Variants in EPS15L1 observed in about 807,000 individuals in gnomAD.
The protein encoded by EPS15L1 is epidermal growth factor receptor substrate 15-like 1.
A neutral mutation model predicts 117.1 loss-of-function variants in EPS15L1; 43 were observed. That is an observed-to-expected ratio of 0.37 (90% CI 0.29 to 0.47). The LOEUF (loss-of-function observed/expected upper bound fraction) is 0.47, where lower values mean the gene tolerates loss of function less well. Among genes scored for constraint, EPS15L1 ranks in the 20% least tolerant of loss-of-function variants. EPS15L1 has a pLI of 0.99. For missense variants in EPS15L1, 981 were observed against 1,164.0 expected (o/e 0.84, Z 2.29); for synonymous variants, 459 against 470.5 (o/e 0.98, Z 0.32).
chr19:16,466,454 G>T (rs1020254984), intron 1 of EPS15L1, among the ~76,000 whole-genome samples: 1 of 152,038 alleles, frequency 6.6e-6, no homozygotes, highest in Admixed American at 6.6e-5. Context: ...TACACATTGG[G>T]CTCATTTCTT....
chr19:16,402,545 G>T (rs572182050), intron 15 of EPS15L1, 60 bp from the exon 16 acceptor site: 2 of 1,470,442 alleles, frequency 1.4e-6, no homozygotes, highest in Admixed American at 2.2e-5. Context: ...CAGAAAAGAC[G>T]CTTTTTTTTT....
chr19:16,367,943 T>G (rs2092161471), intron 22 of EPS15L1, among the ~76,000 whole-genome samples: 1 of 151,520 alleles, frequency 6.6e-6, no homozygotes, highest in Admixed American at 6.6e-5. Context: ...ATCCGATTAA[T>G]AAAAATATTA....
chr19:16,445,788 G>A (rs2093077326), intron 1 of EPS15L1, among the ~76,000 whole-genome samples: 1 of 152,182 alleles, frequency 6.6e-6, no homozygotes, highest in South Asian at 2.1e-4. Flanking sequence ...AGCAGAGAGG[G>A]GACGCACCAG....
chr19:16,430,294 A>C (rs2092914780), intron 7 of EPS15L1, among the ~76,000 whole-genome samples: 1 of 152,146 alleles, frequency 6.6e-6, no homozygotes, highest in Non-Finnish European at 1.5e-5. Flanking sequence ...GGGGGTGTCT[A>C]ATGGACAGGG....
At chr19:16,407,564 G>T (rs1002249369) in intron 13 of EPS15L1, among the ~76,000 whole-genome samples, 5 of 152,144 alleles carry the variant, frequency 3.3e-5, no homozygotes, top group Admixed American at 1.3e-4. Context: ...GGCCTCAAGT[G>T]ATCCGCCAGA....
At chr19:16,389,141 T>TG (rs2144758551) in intron 19 of EPS15L1, among the ~76,000 whole-genome samples, 1 of 149,338 alleles carries the variant, frequency 6.7e-6, no homozygotes, top group South Asian at 2.1e-4. Context: ...AGGCGGAGGT[T>TG]GGAAAAAAAA....
At chr19:16,396,561 G>A (rs1439062770) in intron 16 of EPS15L1, among the ~76,000 whole-genome samples, 1 of 152,108 alleles carries the variant, frequency 6.6e-6, no homozygotes, top group East Asian at 1.9e-4. Context: ...ACCGCACCTG[G>A]CCTATCTTTG....
intron 1 of EPS15L1, among the ~76,000 whole-genome samples, chr19:16,468,731 A>T (rs1274247251): frequency 6.6e-6 from 1 of 151,896 alleles, no homozygotes; most frequent in Non-Finnish European, 1.5e-5. Context: ...GATGAATCCT[A>T]GCCAGATGCA....
intron 16 of EPS15L1, among the ~76,000 whole-genome samples, chr19:16,399,005 T>C (rs894977381): frequency 1.3e-5 from 2 of 152,012 alleles, no homozygotes; most frequent in Non-Finnish European, 2.9e-5. Flanking sequence ...TTTTTTTTTT[T>C]CAGTGTTTTC....
intron 1 of EPS15L1, among the ~76,000 whole-genome samples, chr19:16,463,247 A>C (rs1035219354): frequency 3.3e-5 from 5 of 151,870 alleles, no homozygotes; most frequent in African/African-American, 9.7e-5. Context: ...CCCACCAGGC[A>C]CTCCCACTGC....
At chr19:16,416,188 C>G (rs1362683432) in intron 12 of EPS15L1, among the ~76,000 whole-genome samples, 1 of 152,158 alleles carries the variant, frequency 6.6e-6, no homozygotes. Context: ...GATCCCCCAG[C>G]TAGGACCAGG....
chr19:16,406,786 T>C (rs1288447773), intron 13 of EPS15L1, among the ~76,000 whole-genome samples: 4 of 152,228 alleles, frequency 2.6e-5, no homozygotes, highest in Non-Finnish European at 5.9e-5. Flanking sequence ...AGAAGAGGCA[T>C]GACAGGAGGA....
chr19:16,437,875 CAAAG>C lies in EPS15L1; in HGVS notation c.214-14_214-11del. 1 of 1,609,592 alleles carries C rather than the reference CAAAG, an allele frequency of 6.2e-7. No homozygotes were observed. Among genetic ancestry groups the C allele is most frequent in the Admixed American group, 1.7e-5 (1 of 59,954 alleles). ...GTGCAACATAGAAACCCTGCAAGTC[CAAAG>C]AAAGGGAAGGAGTAAACAGCATATC... On this transcript the variant is annotated splice_polypyrimidine_tract_variant and intron_variant, in intron 4 of 23. Coordinates refer to ENST00000455140, the MANE Select transcript of EPS15L1 (RefSeq NM_001258374.3).
At position 16,365,961 on chromosome 19, in the gene EPS15L1, A is replaced by G. The variant is rs775774997; in HGVS notation, c.2381-3977T>C. Among the ~76,000 whole-genome samples, 36 of 152,312 alleles carry G rather than the reference A, an allele frequency of 2.4e-4. No homozygotes were observed. The highest frequency in any genetic ancestry group is 3.4e-3 in the Middle Eastern group (1 of 294). On this transcript the variant is annotated intron_variant, in intron 22 of 23. Transcript: ENST00000455140. This position sits in a 1 kb window ranked among gnomAD's most constrained non-coding sequence, Gnocchi z 4.9. ...CAGGGACCTGGGGCCCTTTGGAGCAACACCCTGGGGAGCGAGAAGGGAATA... is the reference window on the plus strand; with the variant it reads ...CAGGGACCTGGGGCCCTTTGGAGCAGCACCCTGGGGAGCGAGAAGGGAATA...
intron 4 of EPS15L1, among the ~76,000 whole-genome samples, chr19:16,438,641 T>C (rs2092999350): frequency 6.6e-6 from 1 of 152,150 alleles, no homozygotes; most frequent in Admixed American, 6.6e-5. Context: ...GCGATCCTCC[T>C]GCCTCAGCCT....
At chr19:16,455,276 T>C (rs2093183944) in intron 1 of EPS15L1, among the ~76,000 whole-genome samples, 1 of 151,658 alleles carries the variant, frequency 6.6e-6, no homozygotes, top group Non-Finnish European at 1.5e-5. Flanking sequence ...CACCACCATG[T>C]GTGGCTAATT....
At chr19:16,451,295 GAGA>G (rs2093139876) in intron 1 of EPS15L1, among the ~76,000 whole-genome samples, 1 of 152,148 alleles carries the variant, frequency 6.6e-6, no homozygotes, top group South Asian at 2.1e-4. Context: ...ATCTCAAAAT[GAGA>G]AGTTTTGTTT....
intron 16 of EPS15L1, chr19:16,400,491 G>T: frequency 4.6e-6 from 1 of 216,272 alleles, no homozygotes; most frequent in Non-Finnish European, 7.9e-6. Context: ...CTATTCTCAG[G>T]GACCTAAAAC....
chr19:16,459,971 AT>A (rs1262312797), intron 1 of EPS15L1, among the ~76,000 whole-genome samples: 2 of 152,210 alleles, frequency 1.3e-5, no homozygotes, highest in African/African-American at 4.8e-5. Flanking sequence ...AGCTCCCAAC[AT>A]CTAGGATAGA....
Sources: gnomAD v4.1 joint callset for allele counts (sites outside exome capture counted in the v4.1 genomes callset) on GRCh38, gnomAD v4.1.1 for gene constraint, Gnocchi (gnomAD v3.1) non-coding constraint, MANE v1.5 for transcripts, NCBI Gene and HGNC (gene_info 2026-07-23, HGNC 2026-07-21) for gene names.